Variants in RFTN2 observed in about 807,000 individuals in gnomAD.
RFTN2 encodes raftlin-2.
RFTN2 carries 34 observed loss-of-function variants against 52.7 expected under a neutral mutation model. The ratio of observed to expected loss-of-function variants is 0.64; its 90% CI spans 0.49 to 0.86. The LOEUF (loss-of-function observed/expected upper bound fraction) is 0.86. Ranked by LOEUF, RFTN2 falls within the 40% of genes least tolerant of loss-of-function variation. RFTN2 has a pLI of 0.00. For missense variants in RFTN2, 536 were observed against 600.1 expected, an observed-to-expected ratio of 0.89 and a Z score of 1.12; for synonymous variants, 203 against 217.7, an observed-to-expected ratio of 0.93 and a Z score of 0.59.
At chr2:197,610,663 G>C (rs893820879) in intron 7 of RFTN2, among the ~76,000 whole-genome samples, 1 of 152,182 alleles carries the variant, frequency 6.6e-6, no homozygotes, top group African/African-American at 2.4e-5. Context: ...AATAGGAGTG[G>C]TGAGAGAGGG....
intron 8 of RFTN2, among the ~76,000 whole-genome samples, chr2:197,586,977 A>C (rs1198096437): frequency 1.3e-5 from 2 of 152,198 alleles, no homozygotes; most frequent in African/African-American, 4.8e-5. Flanking sequence ...AATTATGCTG[A>C]ACCCCCTTGG....
At chr2:197,648,028 A>G (rs2088777169) in intron 1 of RFTN2, among the ~76,000 whole-genome samples, 1 of 152,284 alleles carries the variant, frequency 6.6e-6, no homozygotes, top group South Asian at 2.1e-4. Context: ...TCTCTTAAGT[A>G]ACAAGACATA....
At chr2:197,604,778 T>TTTATTTATTTA (rs1559346019) in intron 7 of RFTN2, among the ~76,000 whole-genome samples, 1 of 150,184 alleles carries the variant, frequency 6.7e-6, no homozygotes. Context: ...TTATTTATTT[T>TTTATTTATTTA]GAGACAGAGC....
chr2:197,598,516 A>T (rs1008700449), intron 7 of RFTN2, among the ~76,000 whole-genome samples: 3 of 152,148 alleles, frequency 2.0e-5, no homozygotes, highest in Admixed American at 1.3e-4. Flanking sequence ...AGAAAGCAGG[A>T]ACGCATTGGG....
chr2:197,624,803 T>C (rs1045507570), intron 5 of RFTN2, among the ~76,000 whole-genome samples: 5 of 151,606 alleles, frequency 3.3e-5, no homozygotes, highest in African/African-American at 1.2e-4. Flanking sequence ...TCTAAAAAAA[T>C]AGCCAGTGTG....
intron 1 of RFTN2, among the ~76,000 whole-genome samples, chr2:197,658,744 A>G (rs1192473606): frequency 3.9e-5 from 6 of 152,118 alleles, no homozygotes; most frequent in Non-Finnish European, 4.4e-5. Context: ...GGAAGAAACA[A>G]ATGGGGTTGT....
At chr2:197,605,349 G>A (rs1232885059) in intron 7 of RFTN2, among the ~76,000 whole-genome samples, 2 of 151,928 alleles carry the variant, frequency 1.3e-5, no homozygotes, top group Non-Finnish European at 2.9e-5. Flanking sequence ...CCAAGTAGCT[G>A]GGACTACAGG....
At chr2:197,616,005 T>C (rs771302794) in intron 6 of RFTN2, 26 bp from the exon 7 acceptor site, 5 of 1,360,640 alleles carry the variant, frequency 3.7e-6, no homozygotes, top group Non-Finnish European at 5.1e-6. Flanking sequence ...TAAGAGCTCA[T>C]AGTCTAATGG....
At chr2:197,589,173 G>C (rs1038305937) in intron 8 of RFTN2, among the ~76,000 whole-genome samples, 1 of 125,966 alleles carries the variant, frequency 7.9e-6, no homozygotes, top group African/African-American at 2.9e-5. Context: ...AGTGAGCTGA[G>C]ACCATGCCAT....
chr2:197,665,781 T>C (rs2089048253), intron 1 of RFTN2, among the ~76,000 whole-genome samples: 2 of 152,158 alleles, frequency 1.3e-5, no homozygotes, highest in Admixed American at 1.3e-4. Flanking sequence ...TTATTACTGA[T>C]ATGTGAGTTT....
chr2:197,625,902 C>T (rs1003165159), intron 5 of RFTN2, among the ~76,000 whole-genome samples: 1 of 151,748 alleles, frequency 6.6e-6, no homozygotes, highest in Non-Finnish European at 1.5e-5. Context: ...AGAGATTTTC[C>T]TGTCTCAGCT....
intron 1 of RFTN2, among the ~76,000 whole-genome samples, chr2:197,665,517 C>CTTTTTTT: frequency 4.8e-5 from 2 of 41,508 alleles, no homozygotes; most frequent in African/African-American, 1.4e-4. Context: ...TGTACCTTGC[C>CTTTTTTT]TTTTTTTTTT....
chr2:197,611,428 A>G (rs143851124), intron 7 of RFTN2, among the ~76,000 whole-genome samples: 25,785 of 152,150 alleles, frequency 0.17, 2,951 homozygotes, highest in Middle Eastern at 0.32. Context: ...CTCTGATAGT[A>G]GTTTGTATTT....
chr2:197,578,696 C>T (rs1574675016), intron 8 of RFTN2, among the ~76,000 whole-genome samples: 2 of 152,176 alleles, frequency 1.3e-5, no homozygotes, highest in Non-Finnish European at 2.9e-5. Flanking sequence ...GGACTCAGCC[C>T]GCCTGCACCC....
chr2:197,587,533 C>T (rs1049529115), intron 8 of RFTN2, among the ~76,000 whole-genome samples: 3 of 151,988 alleles, frequency 2.0e-5, no homozygotes, highest in African/African-American at 7.2e-5. Context: ...ACCCCCCACC[C>T]CTGCCCGCCA....
chr2:197,641,299 C>T (rs954346158), intron 3 of RFTN2, among the ~76,000 whole-genome samples: 70 of 152,122 alleles, frequency 4.6e-4, no homozygotes, highest in African/African-American at 1.6e-3. Flanking sequence ...GGAGCTAGGA[C>T]AAGGGACTGG....
Position 197,653,534 on chromosome 2 carries a change from A to T in RFTN2, c.140-6868T>A, listed in dbSNP as rs6758919. ...GACTCTGACATGCTCATTAAAAAAT[A>T]TCTATCTGGTTAGTTAAAAAAAAAA... On this transcript the variant is annotated intron_variant, in intron 1 of 8. Coordinates refer to ENST00000295049, the MANE Select transcript of RFTN2 (RefSeq NM_144629.3). Among the ~76,000 whole-genome samples the T allele has an allele frequency of 6.8e-3, 1,035 of 152,036 alleles. 8 individuals are homozygous for T. The highest frequency in any genetic ancestry group is 0.024 in the African/African-American group (988 of 41,444).
intron 1 of RFTN2, among the ~76,000 whole-genome samples, chr2:197,647,456 T>C (rs2088769779): frequency 6.6e-6 from 1 of 152,168 alleles, no homozygotes; most frequent in Admixed American, 6.5e-5. Context: ...GCAAGCCTGC[T>C]GCCTTGGCTT....
intron 7 of RFTN2, among the ~76,000 whole-genome samples, chr2:197,607,090 A>G (rs2087973742): frequency 6.6e-6 from 1 of 152,186 alleles, no homozygotes; most frequent in Non-Finnish European, 1.5e-5. Flanking sequence ...CAAATGTCCA[A>G]CAATGATAGA....
Sources: gnomAD v4.1 joint callset for allele counts (sites outside exome capture counted in the v4.1 genomes callset) on GRCh38, gnomAD v4.1.1 for gene constraint, MANE v1.5 for transcripts, NCBI Gene and HGNC (gene_info 2026-07-23, HGNC 2026-07-21) for gene names.